Variants in GRIK2 observed in about 807,000 individuals in gnomAD.
GRIK2 encodes the protein glutamate receptor ionotropic, kainate 2.
Under a neutral mutation model 100.3 loss-of-function variants are expected in GRIK2, and 32 were observed. That is an observed-to-expected ratio of 0.32 (90% confidence interval 0.24 to 0.43). The LOEUF (loss-of-function observed/expected upper bound fraction) is 0.43. GRIK2 is among the 20% of genes least tolerant of loss of function. The pLI, the probability that GRIK2 is intolerant of heterozygous loss-of-function variation, is 1.00. For synonymous variants in GRIK2, 417 were observed against 389.4 expected, an observed-to-expected ratio of 1.07 and a Z score of -0.83; for missense variants, 843 against 1,114.9, an observed-to-expected ratio of 0.76 and a Z score of 3.47.
intron 2 of GRIK2, among the ~76,000 whole-genome samples, chr6:101,563,535 A>AT (rs1195580447): frequency 6.6e-6 from 1 of 152,112 alleles, no homozygotes; most frequent in Non-Finnish European, 1.5e-5. Flanking sequence ...AAAATCAGTG[A>AT]TTTTTGCAAA....
chr6:101,978,506 T>G (rs2128488467), intron 14 of GRIK2, among the ~76,000 whole-genome samples: 1 of 152,080 alleles, frequency 6.6e-6, no homozygotes, highest in African/African-American at 2.4e-5. Flanking sequence ...TTCATCTTAC[T>G]TTTTTCTCCT....
At chr6:101,774,040 C>G (rs1778579242) in intron 7 of GRIK2, among the ~76,000 whole-genome samples, 1 of 152,012 alleles carries the variant, frequency 6.6e-6, no homozygotes, top group African/African-American at 2.4e-5. Context: ...ATCTCTCTAA[C>G]TTTTTAAGTC....
intron 11 of GRIK2, among the ~76,000 whole-genome samples, chr6:101,870,697 A>G (rs1163043361): frequency 6.6e-6 from 1 of 151,754 alleles, no homozygotes; most frequent in Admixed American, 6.6e-5. Context: ...TAGCTATAAT[A>G]TTATCACACT....
intron 4 of GRIK2, among the ~76,000 whole-genome samples, chr6:101,666,374 G>A (rs1207914446): frequency 1.3e-5 from 2 of 152,172 alleles, no homozygotes; most frequent in African/African-American, 2.4e-5. Flanking sequence ...GAGCTTGAAT[G>A]TCTTAAGTGT....
At chr6:101,743,016 C>A (rs142281792) in intron 7 of GRIK2, among the ~76,000 whole-genome samples, 1 of 152,200 alleles carries the variant, frequency 6.6e-6, no homozygotes, top group African/African-American at 2.4e-5. Context: ...AGGTAACTGG[C>A]GATCTATACG....
chr6:101,707,849 C>T (rs749074771), intron 7 of GRIK2, among the ~76,000 whole-genome samples: 4 of 151,446 alleles, frequency 2.6e-5, no homozygotes, highest in Non-Finnish European at 4.4e-5. Flanking sequence ...TGTTATTTTT[C>T]GTTATCATTG....
intron 8 of GRIK2, among the ~76,000 whole-genome samples, chr6:101,800,280 A>G (rs2128413612): frequency 6.6e-6 from 1 of 151,978 alleles, no homozygotes. Context: ...CATGTTATAT[A>G]ATGCAACCAT....
intron 7 of GRIK2, among the ~76,000 whole-genome samples, chr6:101,697,076 T>C (rs772100440): frequency 4.6e-5 from 7 of 152,016 alleles, no homozygotes; most frequent in Non-Finnish European, 7.4e-5. Context: ...CTAATCTCTT[T>C]GAGCCTCACT....
At chr6:101,820,342 A>G (rs868561571) in intron 10 of GRIK2, among the ~76,000 whole-genome samples, 3 of 151,858 alleles carry the variant, frequency 2.0e-5, no homozygotes, top group Non-Finnish European at 4.4e-5. Context: ...TGTAGCCTTC[A>G]GTAATCTGGC....
At chr6:101,883,068 T>C (rs1446087529) in intron 11 of GRIK2, among the ~76,000 whole-genome samples, 2 of 151,944 alleles carry the variant, frequency 1.3e-5, no homozygotes, top group African/African-American at 4.8e-5. Flanking sequence ...ATCCAGCATT[T>C]CTCATTCATG....
intron 2 of GRIK2, among the ~76,000 whole-genome samples, chr6:101,617,425 G>T (rs1779941112): frequency 6.6e-6 from 1 of 151,756 alleles, no homozygotes; most frequent in Non-Finnish European, 1.5e-5. Context: ...ATTGCATGTA[G>T]TTCTTTATTG....
chr6:101,805,828 G>A (rs1780969351), intron 9 of GRIK2, among the ~76,000 whole-genome samples: 1 of 152,012 alleles, frequency 6.6e-6, no homozygotes, highest in South Asian at 2.1e-4. Context: ...TTAACAGGAA[G>A]GAAGTCTATG....
chr6:101,754,976 A>G (rs1777035077), intron 7 of GRIK2, among the ~76,000 whole-genome samples: 1 of 152,148 alleles, frequency 6.6e-6, no homozygotes, highest in African/African-American at 2.4e-5. Flanking sequence ...TGATCCTTTC[A>G]GCGATGTAGG....
At chr6:101,574,257 T>C (rs1777689604) in intron 2 of GRIK2, among the ~76,000 whole-genome samples, 1 of 148,948 alleles carries the variant, frequency 6.7e-6, no homozygotes, top group African/African-American at 2.4e-5. Context: ...TTGAGGTAAC[T>C]GTTGTATAAA....
At chr6:101,766,767 G>A (rs1778068137) in intron 7 of GRIK2, among the ~76,000 whole-genome samples, 1 of 152,086 alleles carries the variant, frequency 6.6e-6, no homozygotes, top group African/African-American at 2.4e-5. Context: ...TTTAGGTTTG[G>A]GCCTTCACTT....
chr6:101,534,988 C>T (rs553528353), intron 2 of GRIK2, among the ~76,000 whole-genome samples: 1 of 151,570 alleles, frequency 6.6e-6, no homozygotes, highest in African/African-American at 2.4e-5. Context: ...ATTAGTTTGA[C>T]ATTATTTTGC....
intron 14 of GRIK2, among the ~76,000 whole-genome samples, chr6:102,010,061 T>C (rs1334801194): frequency 2.0e-5 from 3 of 152,068 alleles, no homozygotes; most frequent in African/African-American, 7.2e-5. Context: ...CACAGCAATA[T>C]TGAACAGAAA....
intron 14 of GRIK2, among the ~76,000 whole-genome samples, chr6:101,981,818 A>T (rs1355116956): frequency 1.3e-5 from 2 of 151,882 alleles, no homozygotes; most frequent in South Asian, 2.1e-4. Flanking sequence ...GGAGGTAAAA[A>T]AAAAGTATAT....
intron 7 of GRIK2, among the ~76,000 whole-genome samples, chr6:101,780,903 A>C (rs1779043300): frequency 6.6e-6 from 1 of 152,182 alleles, no homozygotes; most frequent in Non-Finnish European, 1.5e-5. Context: ...GAGGGCTTTA[A>C]AAAGTGTTAT....
Sources: allele counts gnomAD v4.1 joint callset (sites outside exome capture counted in the v4.1 genomes callset), GRCh38; gene constraint gnomAD v4.1.1; transcripts MANE v1.5; gene names NCBI Gene and HGNC (gene_info 2026-07-23, HGNC 2026-07-21).